The following ATP6V1C2 variants were observed in gnomAD, a reference collection of about 807,000 sequenced individuals.
The protein encoded by ATP6V1C2 is ATPase H+ transporting V1 subunit C2, also known as V-type proton ATPase subunit C 2.
Under a neutral mutation model 56.8 loss-of-function variants are expected in ATP6V1C2, and 45 were observed. The observed-to-expected ratio is 0.79, with a 90% CI of 0.62 to 1.02. ATP6V1C2 has a LOEUF of 1.02. ATP6V1C2 is among the 50% of genes least tolerant of loss of function. ATP6V1C2 has a pLI of 0.00. For missense variants in ATP6V1C2, 463 were observed against 519.7 expected, an observed-to-expected ratio of 0.89 and a Z score of 1.06; for synonymous variants, 220 against 201.3, an observed-to-expected ratio of 1.09 and a Z score of -0.79.
chr2:10,775,627 CGGA>C (rs1394641838), intron 10 of ATP6V1C2, among the ~76,000 whole-genome samples: 1 of 151,852 alleles, frequency 6.6e-6, no homozygotes, highest in Non-Finnish European at 1.5e-5. Flanking sequence ...AAACCCTTCA[CGGA>C]GGAGGACAGC....
intron 10 of ATP6V1C2, 68 bp from the exon 11 acceptor site, chr2:10,777,517 T>A (rs1665072567): frequency 5.1e-6 from 8 of 1,574,506 alleles, no homozygotes; most frequent in African/African-American, 1.4e-5. Flanking sequence ...TTTCAGGCGA[T>A]GAGAATGATT....
In ATP6V1C2 at chr2:10,784,704, A is replaced by C. The variant is rs1221248873; in HGVS notation, c.*1441A>C. 2 of 542,538 alleles carry C rather than the reference A, an allele frequency of 3.7e-6. No individual in the cohort carries two copies. Among genetic ancestry groups the C allele is most frequent in the East Asian group, 6.0e-5 (2 of 33,150 alleles). 33.6% of individuals were successfully genotyped at this position (542,538 alleles called of 1,614,324 possible). A position where few individuals can be genotyped will look rare whatever the true frequency, so the allele number is the denominator to read the frequency against. On this transcript the variant is annotated 3_prime_UTR_variant, in exon 14 of 14. Coordinates refer to ENST00000272238, the MANE Select transcript of ATP6V1C2 (RefSeq NM_001039362.2). Reference sequence around the variant, plus strand: ...CTTTAAGGTAATAATCAGGAAAGCAACCTTACTACTGAAATGTATCTTGGC... The same window carrying C: ...CTTTAAGGTAATAATCAGGAAAGCACCCTTACTACTGAAATGTATCTTGGC...
At position 10,784,180 on chromosome 2, in the gene ATP6V1C2, A is replaced by C; in HGVS notation, c.*917A>C. ...GCCACTGGTAGAGTCATCTGAGTGT[A>C]GAGAATGTCCCTTCACTGCTGGAAA... On this transcript the variant is annotated 3_prime_UTR_variant, in exon 14 of 14. Coordinates refer to ENST00000272238, the MANE Select transcript of ATP6V1C2 (RefSeq NM_001039362.2). 1.9e-6 allele frequency: 2 copies of C among 1,077,796 alleles called. No homozygotes were observed. Among genetic ancestry groups the C allele is most frequent in the Non-Finnish European group, 1.4e-6 (1 of 722,158 alleles). 66.8% of individuals were successfully genotyped at this position (1,077,796 alleles called of 1,614,324 possible). A position where few individuals can be genotyped will look rare whatever the true frequency, so the allele number is the denominator to read the frequency against.
intron 3 of ATP6V1C2, among the ~76,000 whole-genome samples, chr2:10,735,466 C>T (rs1401823426): frequency 6.6e-6 from 1 of 152,168 alleles, no homozygotes; most frequent in Non-Finnish European, 1.5e-5. Context: ...AACTGCCACG[C>T]CCAGCCTTAG....
rs1352607027 is a variant in ATP6V1C2 at position 10,777,701 on chromosome 2, A to G, written c.942A>G (p.Arg314=). The G allele has an allele frequency of 2.5e-6, 4 of 1,613,676 alleles. No homozygotes were observed. In the African/African-American group the frequency reaches 4.0e-5, roughly 16 times the overall value. Residue 314 remains arginine (R), a synonymous_variant, in exon 11 of 14, where the codon AGA becomes AGG. Coordinates refer to ENST00000272238, the MANE Select transcript of ATP6V1C2 (RefSeq NM_001039362.2). The stretch of plus-strand genomic sequence containing the variant: ...CTGCGGGGCAGACCGACAGAGAGAG[A>G]GAGAGTGAGGGCGAGGGTGAGGTAA... ...RPAAGQTDRE[R]ESEGEGEGPL... is the part of the protein sequence containing the mutation.
intron 3 of ATP6V1C2, among the ~76,000 whole-genome samples, chr2:10,747,446 T>C (rs755600451): frequency 2.6e-5 from 4 of 152,150 alleles, no homozygotes; most frequent in Non-Finnish European, 4.4e-5. Context: ...AACTTTAGGG[T>C]GTATTTCTTA....
At chr2:10,773,778 C>G (rs1664781711) in intron 8 of ATP6V1C2, among the ~76,000 whole-genome samples, 1 of 152,254 alleles carries the variant, frequency 6.6e-6, no homozygotes, top group African/African-American at 2.4e-5. Flanking sequence ...GCCTGTTCAT[C>G]TGACTCCCCA....
intron 8 of ATP6V1C2, 82 bp downstream of exon 8, chr2:10,772,692 C>T (rs1664702212): frequency 2.4e-6 from 3 of 1,264,186 alleles, no homozygotes; most frequent in Non-Finnish European, 3.5e-6. Flanking sequence ...CAAACATGCC[C>T]CGAGGGTGTG....
chr2:10,734,131 C>A (rs183058123), intron 3 of ATP6V1C2, among the ~76,000 whole-genome samples: 1 of 152,098 alleles, frequency 6.6e-6, no homozygotes, highest in African/African-American at 2.4e-5. Context: ...CTCTGTATGC[C>A]GCATGCATGG....
chr2:10,733,113 T>A (rs924498709), intron 3 of ATP6V1C2, among the ~76,000 whole-genome samples: 10 of 152,126 alleles, frequency 6.6e-5, no homozygotes, highest in African/African-American at 2.4e-4. Flanking sequence ...CACTGTGCAT[T>A]GTTTTCGTTT....
At chr2:10,723,125 G>A (rs769698947) in intron 2 of ATP6V1C2, 147 bp downstream of exon 2, 9 of 996,600 alleles carry the variant, frequency 9.0e-6, no homozygotes, top group South Asian at 1.7e-5. Context: ...GAGGATGGAC[G>A]GGGAGGTGAT....
At chr2:10,762,283 C>T (rs1663958391) in intron 4 of ATP6V1C2, among the ~76,000 whole-genome samples, 1 of 151,798 alleles carries the variant, frequency 6.6e-6, no homozygotes, top group Non-Finnish European at 1.5e-5. Context: ...GTAGCTGGAA[C>T]TACGGGCGTG....
rs115493100 is a variant in ATP6V1C2 at position 10,748,722 on chromosome 2, C to A, written c.198-5259C>A. Among the ~76,000 whole-genome samples the A allele has an allele frequency of 1.8e-3, 267 of 152,056 alleles. 1 individual carries two copies. The highest frequency in any genetic ancestry group is 6.2e-3 in the African/African-American group (259 of 41,452). ...CCTTGGAGAAGTGTAGATTTATGATCAATTTCTGCTTCTACCCTAGTTTAC... is the reference window on the plus strand; with the variant it reads ...CCTTGGAGAAGTGTAGATTTATGATAAATTTCTGCTTCTACCCTAGTTTAC... On this transcript the variant is annotated intron_variant, in intron 3 of 13. Coordinates refer to ENST00000272238, the MANE Select transcript of ATP6V1C2 (RefSeq NM_001039362.2).
chr2:10,734,757 G>T (rs1241066131), intron 3 of ATP6V1C2, among the ~76,000 whole-genome samples: 1 of 152,118 alleles, frequency 6.6e-6, no homozygotes, highest in East Asian at 1.9e-4. Flanking sequence ...CGGAGTCATC[G>T]GTAGAACTGA....
intron 6 of ATP6V1C2, among the ~76,000 whole-genome samples, chr2:10,771,189 G>A (rs868510812): frequency 1.4e-4 from 22 of 152,344 alleles, no homozygotes; most frequent in African/African-American, 4.3e-4. Context: ...GCTGGAGAGC[G>A]ATTTCCCGGG....
At chr2:10,765,498 G>A (rs1437645837) in intron 5 of ATP6V1C2, among the ~76,000 whole-genome samples, 1 of 152,278 alleles carries the variant, frequency 6.6e-6, no homozygotes, top group South Asian at 2.1e-4. Context: ...AAGGGTCAGA[G>A]TGGAGCTGGG....
chr2:10,756,122 C>G (rs1010706643), intron 4 of ATP6V1C2, among the ~76,000 whole-genome samples: 1 of 151,864 alleles, frequency 6.6e-6, no homozygotes, highest in African/African-American at 2.4e-5. Context: ...TTTAGGAGGC[C>G]GAGGCAGGCA....
chr2:10,757,003 CTTTTTTTTTTTTTTT>C (rs57191070), intron 4 of ATP6V1C2, among the ~76,000 whole-genome samples: 3 of 81,594 alleles, frequency 3.7e-5, no homozygotes, highest in Non-Finnish European at 6.7e-5. Flanking sequence ...CATGAGGAGA[CTTTTTTTTTTTTTTT>C]TTTTTTTTTT....
In ATP6V1C2 at chr2:10,751,374, T is replaced by A. The variant is rs1293307605; in HGVS notation, c.198-2607T>A. Among the ~76,000 whole-genome samples the A allele has an allele frequency of 3.9e-5, 6 of 152,182 alleles. No individual in the cohort carries two copies. In the East Asian group the frequency reaches 1.2e-3, roughly 29 times the overall value. Reference sequence around the variant, plus strand: ...CTCACAATGGTATCAGGCACCAAACTCCATGAAGAATCCTGTGAGATAAGG... The same window carrying A: ...CTCACAATGGTATCAGGCACCAAACACCATGAAGAATCCTGTGAGATAAGG... On this transcript the variant is annotated intron_variant, in intron 3 of 13. Coordinates refer to ENST00000272238, the MANE Select transcript of ATP6V1C2 (RefSeq NM_001039362.2).
Sources: allele counts gnomAD v4.1 joint callset (sites outside exome capture counted in the v4.1 genomes callset), GRCh38; gene constraint gnomAD v4.1.1; transcripts MANE v1.5; gene names NCBI Gene and HGNC (gene_info 2026-07-23, HGNC 2026-07-21).